CDH4: variants seen among roughly 807,000 people sequenced by gnomAD.
CDH4 encodes cadherin 4.
CDH4 carries 33 observed loss-of-function variants against 86.0 expected under a neutral mutation model. The observed-to-expected ratio is 0.38, with a 90% confidence interval of 0.29 to 0.51. The LOEUF is 0.51. CDH4 is among the 20% of genes least tolerant of loss of function. The pLI is 0.86. For missense variants in CDH4, 1,114 were observed against 1,307.4 expected (o/e 0.85, Z 2.28); for synonymous variants, 555 against 549.4 (o/e 1.01, Z -0.14).
chr20:61,389,372 G>C (rs1185593848), intron 2 of CDH4, among the ~76,000 whole-genome samples: 1 of 152,238 alleles, frequency 6.6e-6, no homozygotes, highest in African/African-American at 2.4e-5. Flanking sequence ...CTAAACATCT[G>C]TTTGTCCCTG....
chr20:61,678,982 A>G (rs1158562627), intron 2 of CDH4, among the ~76,000 whole-genome samples: 1 of 152,150 alleles, frequency 6.6e-6, no homozygotes, highest in Non-Finnish European at 1.5e-5. Flanking sequence ...AGAGTATGAA[A>G]ATGACTCAGG....
intron 2 of CDH4, among the ~76,000 whole-genome samples, chr20:61,511,583 C>T (rs1209668712): frequency 6.6e-6 from 1 of 152,230 alleles, no homozygotes; most frequent in Non-Finnish European, 1.5e-5. Context: ...TCACTTAAGT[C>T]TACTTATAGC....
chr20:61,870,996 A>G (rs1256495819), intron 6 of CDH4, among the ~76,000 whole-genome samples: 1 of 151,940 alleles, frequency 6.6e-6, no homozygotes, highest in South Asian at 2.1e-4. Context: ...GCACCAGTGT[A>G]TTTATCCTTT....
chr20:61,290,538 C>T (rs893460593), intron 2 of CDH4, among the ~76,000 whole-genome samples: 4 of 152,128 alleles, frequency 2.6e-5, no homozygotes, highest in African/African-American at 4.8e-5. Flanking sequence ...ACCACAGATG[C>T]CAGTCACAGA....
intron 2 of CDH4, among the ~76,000 whole-genome samples, chr20:61,647,566 T>TCCCCCTCTCC (rs1555818902): frequency 4.7e-5 from 3 of 64,196 alleles, no homozygotes; most frequent in African/African-American, 1.1e-4. Flanking sequence ...TCCCTCTCCC[T>TCCCCCTCTCC]CTCCCTCCCT....
intron 2 of CDH4, among the ~76,000 whole-genome samples, chr20:61,435,265 C>A (rs2085274345): frequency 6.6e-6 from 1 of 152,212 alleles, no homozygotes; most frequent in African/African-American, 2.4e-5. Context: ...ATTACTGGGA[C>A]CATTTTACAG....
chr20:61,893,992 T>C (rs1454163778), intron 7 of CDH4, among the ~76,000 whole-genome samples: 1 of 152,158 alleles, frequency 6.6e-6, no homozygotes, highest in Non-Finnish European at 1.5e-5. Context: ...TCTTTTCCCT[T>C]AACCTCTTAG....
chr20:61,463,251 A>G (rs1568854125), intron 2 of CDH4, among the ~76,000 whole-genome samples: 10 of 152,172 alleles, frequency 6.6e-5, no homozygotes, highest in Admixed American at 6.5e-4. Context: ...GTATGTCTTT[A>G]TTAGCAGCAT....
rs148658981 is a variant in CDH4, at chr20:61,518,791, T to G, written c.170-224772T>G. 4.6e-5 allele frequency among the ~76,000 whole-genome samples: 7 copies of G among 151,488 alleles called. No homozygotes were observed. In the East Asian group the frequency reaches 1.4e-3, roughly 30 times the overall value. ...CATCATCCATCCTTTCATCCATCAT[T>G]CATTCATCCATCCACCCATCATCCA... On this transcript the variant is annotated intron_variant, in intron 2 of 15. Coordinates refer to ENST00000614565, the MANE Select transcript of CDH4 (RefSeq NM_001794.5). The surrounding 1 kb of genome is among the most constrained non-coding windows in gnomAD (Gnocchi z 6.3).
At chr20:61,665,075 G>C (rs574778797) in intron 2 of CDH4, among the ~76,000 whole-genome samples, 1 of 152,248 alleles carries the variant, frequency 6.6e-6, no homozygotes, top group Non-Finnish European at 1.5e-5. Flanking sequence ...TCGCTGGCAC[G>C]GGTGGCTCCT....
intron 15 of CDH4, among the ~76,000 whole-genome samples, chr20:61,934,564 A>T (rs1261072544): frequency 6.6e-6 from 1 of 152,218 alleles, no homozygotes; most frequent in Non-Finnish European, 1.5e-5. Context: ...CAGCGGGGCG[A>T]CGGCGGGGAA....
chr20:61,290,575 T>C (rs1213055260), intron 2 of CDH4, among the ~76,000 whole-genome samples: 1 of 152,222 alleles, frequency 6.6e-6, no homozygotes, highest in Non-Finnish European at 1.5e-5. Flanking sequence ...GCAGACAGCG[T>C]GACATGTTGA....
Position 61,445,458 on chromosome 20 carries a change from C to T in CDH4, c.169+190521C>T, listed in dbSNP as rs1446732951. 3.9e-5 allele frequency among the ~76,000 whole-genome samples: 6 copies of T among 152,250 alleles called. No homozygotes were observed. In the South Asian group the frequency reaches 6.2e-4, roughly 16 times the overall value. On this transcript the variant is annotated intron_variant, in intron 2 of 15. Transcript: ENST00000614565. Reference sequence around the variant, plus strand: ...CACAGTGAGGGCCCTCTGAGGCAGGCGGGGCATGGGAGTGCAGATGATAGG... The same window carrying T: ...CACAGTGAGGGCCCTCTGAGGCAGGTGGGGCATGGGAGTGCAGATGATAGG...
At chr20:61,690,349 G>T (rs2071466003) in intron 2 of CDH4, among the ~76,000 whole-genome samples, 1 of 152,192 alleles carries the variant, frequency 6.6e-6, no homozygotes, top group African/African-American at 2.4e-5. Context: ...TGGTGACATT[G>T]TGTGTGATCA....
At chr20:61,917,754 C>T (rs901128630) in intron 9 of CDH4, among the ~76,000 whole-genome samples, 1 of 152,256 alleles carries the variant, frequency 6.6e-6, no homozygotes. Flanking sequence ...CCATGCTGAG[C>T]CTCAGCGAGT....
At chr20:61,457,169 C>A (rs905554376) in intron 2 of CDH4, among the ~76,000 whole-genome samples, 1 of 152,070 alleles carries the variant, frequency 6.6e-6, no homozygotes, top group African/African-American at 2.4e-5. Context: ...CCACGGGGGC[C>A]CTTTTGGAGA....
chr20:61,321,316 G>A (rs2084507030), intron 2 of CDH4, among the ~76,000 whole-genome samples: 2 of 152,220 alleles, frequency 1.3e-5, no homozygotes, highest in South Asian at 4.1e-4. Context: ...GCAGAGGGAG[G>A]AGGCGAGGCA....
intron 2 of CDH4, among the ~76,000 whole-genome samples, chr20:61,288,854 C>T (rs6101294): frequency 0.094 from 14,306 of 152,214 alleles, 740 homozygotes; most frequent in African/African-American, 0.11. Flanking sequence ...AAGGGTATTC[C>T]TTGTCTTCAG....
chr20:61,267,456 G>A (rs190799108), intron 2 of CDH4, among the ~76,000 whole-genome samples: 38 of 152,238 alleles, frequency 2.5e-4, no homozygotes, highest in Admixed American at 1.8e-3. Context: ...TCAGGTGGGC[G>A]GCTTGAAACA....
Sources: allele counts gnomAD v4.1 joint callset (sites outside exome capture counted in the v4.1 genomes callset), GRCh38; gene constraint gnomAD v4.1.1; non-coding constraint Gnocchi (gnomAD v3.1); transcripts MANE v1.5; gene names NCBI Gene and HGNC (gene_info 2026-07-23, HGNC 2026-07-21).